Variants in SKA3 observed in about 807,000 individuals in gnomAD.
SKA3 encodes the protein spindle and kinetochore-associated protein 3.
A neutral mutation model predicts 44.2 loss-of-function variants in SKA3; 39 were observed. The ratio of observed to expected loss-of-function variants is 0.88; its 90% CI spans 0.68 to 1.15. The LOEUF is 1.15. Ranked by LOEUF, SKA3 falls within the 50% of genes most tolerant of loss-of-function variation. The pLI is 0.00. For missense variants in SKA3, 511 were observed against 485.8 expected (o/e 1.05, Z -0.49); for synonymous variants, 192 against 172.0 (o/e 1.12, Z -0.91).
In SKA3 at chr13:21,156,028, C is replaced by G. The variant is rs567518460; in HGVS notation, c.1120-217G>C. Among the ~76,000 whole-genome samples the G allele has an allele frequency of 2.6e-4, 39 of 151,694 alleles. No homozygotes were observed. The South Asian group carries it at 7.7e-3, about 30-fold the overall frequency. Reference sequence around the variant, plus strand: ...CAGGTAAAACCTCGTCTCTACTAAACATACAAAAACTAGCTAGGAGTGGTG... The same window carrying G: ...CAGGTAAAACCTCGTCTCTACTAAAGATACAAAAACTAGCTAGGAGTGGTG... On this transcript the variant is annotated intron_variant, in intron 7 of 8. Transcript: ENST00000314759.
intron 7 of SKA3, among the ~76,000 whole-genome samples, chr13:21,156,355 G>A (rs1320052181): frequency 6.6e-6 from 1 of 152,070 alleles, no homozygotes; most frequent in Non-Finnish European, 1.5e-5. Context: ...TAACAAAGAT[G>A]TTAGGGAAAA....
intron 3 of SKA3, among the ~76,000 whole-genome samples, chr13:21,170,363 A>G (rs545181781): frequency 3.4e-4 from 51 of 152,134 alleles, no homozygotes; most frequent in African/African-American, 1.2e-3. Flanking sequence ...TATTTTTAGT[A>G]GAGACAGGGT....
At chr13:21,174,514 A>G (rs1192776070) in intron 1 of SKA3, among the ~76,000 whole-genome samples, 1 of 151,900 alleles carries the variant, frequency 6.6e-6, no homozygotes, top group African/African-American at 2.4e-5. Flanking sequence ...TCTCACTCAT[A>G]GGTGGGAATT....
chr13:21,164,001 T>G (rs1870575172), intron 4 of SKA3, among the ~76,000 whole-genome samples: 1 of 152,048 alleles, frequency 6.6e-6, no homozygotes, highest in South Asian at 2.1e-4. Flanking sequence ...TGACCTCAAG[T>G]GATCCACCCA....
At chr13:21,170,881 G>A (rs917278341) in intron 3 of SKA3, among the ~76,000 whole-genome samples, 1 of 151,534 alleles carries the variant, frequency 6.6e-6, no homozygotes, top group Admixed American at 6.6e-5. Context: ...GATTCCACGT[G>A]GGGGGTGGTG....
Position 21,154,875 on chromosome 13 carries a change from AC to A in SKA3, c.*274del, listed in dbSNP as rs2137351623. ...TGTCCTACTTCCTGGTACTACTTAAACCATTCTGTTGATTAAGCTGGGTAAT... is the reference window on the plus strand; with the variant it reads ...TGTCCTACTTCCTGGTACTACTTAAACATTCTGTTGATTAAGCTGGGTAAT... On this transcript the variant is annotated 3_prime_UTR_variant, in exon 9 of 9. Transcript: ENST00000314759. 5.3e-6 allele frequency: 3 copies of A among 568,182 alleles called. No homozygotes were observed. In the South Asian group the frequency reaches 7.1e-5, roughly 14 times the overall value. The allele number at this position is 568,182 out of a possible 1,614,324, so 35.2% of individuals were successfully genotyped here.
In SKA3 at chr13:21,155,813, T is replaced by TAAAAAA; in HGVS notation, c.1120-8_1120-3dup. The TAAAAAA allele has an allele frequency of 2.7e-6, 3 of 1,123,160 alleles. No homozygotes were observed. Among genetic ancestry groups the TAAAAAA allele is most frequent in the Non-Finnish European group, 3.9e-6 (3 of 773,310 alleles). 69.6% of individuals were successfully genotyped at this position (1,123,160 alleles called of 1,614,324 possible). A position where few individuals can be genotyped will look rare whatever the true frequency, so the allele number is the denominator to read the frequency against. ...GTTTGAGTTGTATTTTGATAAAAGCTAAAAAAAAAAAAGGAAATTCCTTTT... is the reference window on the plus strand; with the variant it reads ...GTTTGAGTTGTATTTTGATAAAAGCTAAAAAAAAAAAAAAAAAAGGAAATTCCTTTT... On this transcript the variant is annotated splice_polypyrimidine_tract_variant and splice_region_variant and intron_variant, in intron 7 of 8. Transcript: ENST00000314759.
At chr13:21,167,053 A>G (rs1870750596) in intron 4 of SKA3, among the ~76,000 whole-genome samples, 1 of 152,178 alleles carries the variant, frequency 6.6e-6, no homozygotes, top group African/African-American at 2.4e-5. Flanking sequence ...TTTCCATGCT[A>G]ATGACTCCCA....
chr13:21,167,487 C>G (rs1342868644), intron 4 of SKA3, among the ~76,000 whole-genome samples: 1 of 152,114 alleles, frequency 6.6e-6, no homozygotes, highest in East Asian at 1.9e-4. Flanking sequence ...AACTTATTGG[C>G]CGGGCGCGGT....
In SKA3 at chr13:21,155,680, G is replaced by A; in HGVS notation, c.1238+13C>T. 9.4e-7 allele frequency: 1 copy of A among 1,058,950 alleles called. No homozygotes were observed. The highest frequency in any genetic ancestry group is 1.3e-6 in the Non-Finnish European group (1 of 769,468). 65.6% of individuals were successfully genotyped at this position (1,058,950 alleles called of 1,614,324 possible). A position where few individuals can be genotyped will look rare whatever the true frequency, so the allele number is the denominator to read the frequency against. On this transcript the variant is annotated intron_variant, in intron 8 of 8. Transcript: ENST00000314759. ...TAACACATGAACTTTCTTTACAAAG[G>A]TAACATACTCACCAGTTTTCTTTGT...
At chr13:21,162,584 T>C (rs1870498862) in intron 4 of SKA3, among the ~76,000 whole-genome samples, 1 of 152,112 alleles carries the variant, frequency 6.6e-6, no homozygotes, top group African/African-American at 2.4e-5. Context: ...GCCAGGCTGG[T>C]CTCGAACTCC....
chr13:21,174,159 A>G (rs1871261332), intron 1 of SKA3, among the ~76,000 whole-genome samples: 1 of 152,258 alleles, frequency 6.6e-6, no homozygotes, highest in Admixed American at 6.5e-5. Flanking sequence ...AACTAGTTCA[A>G]CCATTGTGGA....
chr13:21,158,118 G>T lies in SKA3; in HGVS notation c.923C>A (p.Thr308Lys). 1.9e-6 allele frequency: 3 copies of T among 1,575,416 alleles called. No homozygotes were observed. Among genetic ancestry groups the T allele is most frequent in the Non-Finnish European group, 1.7e-6 (2 of 1,145,308 alleles). ...ATTTGTTTTTGATAATGGGTAATTTGTGGATACCTATTGAATAAAAATAGA... is the reference window on the plus strand; with the variant it reads ...ATTTGTTTTTGATAATGGGTAATTTTTGGATACCTATTGAATAAAAATAGA... The part of the protein sequence containing the change: ...STKNSIALVS[T>K]NYPLSKTNSS... The change falls in exon 7 of 9, where the codon ACA becomes AAA. Residue 308 changes from threonine (T) to lysine (K), a missense_variant. Physicochemically the swap from Thr to Lys is moderately conservative, Grantham distance 78. Coordinates refer to ENST00000314759, the MANE Select transcript of SKA3 (RefSeq NM_145061.6).
rs1393549668 is a variant in SKA3 at position 21,168,190 on chromosome 13, T to TG, written c.540dup (p.Asn181GlnfsTer3). On this transcript the variant is annotated frameshift_variant, in exon 4 of 9. Transcript: ENST00000314759. LOFTEE classifies it high-confidence loss of function. ...ACAATTACGGGCTCTTCCTTATAGTTGTTCACTGCCTGTGGAGGGTTTGGT... is the reference window on the plus strand; with the variant it reads ...ACAATTACGGGCTCTTCCTTATAGTTGGTTCACTGCCTGTGGAGGGTTTGGT... The TG allele has an allele frequency of 1.2e-6, 2 of 1,614,034 alleles. No individual in the cohort carries two copies. The highest frequency in any genetic ancestry group is 2.7e-5 in the African/African-American group (2 of 74,940).
intron 6 of SKA3, 33 bp downstream of exon 6, chr13:21,159,867 GAA>G (rs1248345645): frequency 4.4e-6 from 5 of 1,142,004 alleles, no homozygotes; most frequent in Admixed American, 5.3e-5. Flanking sequence ...GTCTTTAGGA[GAA>G]AGACTGTGGC....
intron 4 of SKA3, among the ~76,000 whole-genome samples, chr13:21,162,538 G>A (rs1870496596): frequency 6.6e-6 from 1 of 151,876 alleles, no homozygotes; most frequent in Non-Finnish European, 1.5e-5. Context: ...GCTAATGTTT[G>A]TATTTTTTTG....
At chr13:21,167,489 G>A (rs766736700) in intron 4 of SKA3, among the ~76,000 whole-genome samples, 3 of 152,016 alleles carry the variant, frequency 2.0e-5, no homozygotes, top group Non-Finnish European at 4.4e-5. Flanking sequence ...CTTATTGGCC[G>A]GGCGCGGTGG....
At chr13:21,164,619 T>A (rs900028889) in intron 4 of SKA3, among the ~76,000 whole-genome samples, 3 of 152,266 alleles carry the variant, frequency 2.0e-5, no homozygotes, top group Non-Finnish European at 4.4e-5. Context: ...TATCTATTCC[T>A]GTCCATTGCC....
In SKA3 at chr13:21,176,522, C is replaced by T. The variant is rs368709565; in HGVS notation, c.-45G>A. 5 of 1,370,652 alleles carry T rather than the reference C, an allele frequency of 3.6e-6. No homozygotes were observed. The highest frequency in any genetic ancestry group is 3.0e-5 in the African/African-American group (2 of 65,812). The allele number at this position is 1,370,652 out of a possible 1,614,324, so 84.9% of individuals were successfully genotyped here. A position where few individuals can be genotyped will look rare whatever the true frequency, so the allele number is the denominator to read the frequency against. Reference sequence around the variant, plus strand: ...GACTCCAGGCGTACGCAGACCCCACCGCTCAGCTCACAGCCTCCCGCCACT... The same window carrying T: ...GACTCCAGGCGTACGCAGACCCCACTGCTCAGCTCACAGCCTCCCGCCACT... On this transcript the variant is annotated 5_prime_UTR_variant, in exon 1 of 9. Transcript: ENST00000314759.
Sources: gnomAD v4.1 joint callset for allele counts (sites outside exome capture counted in the v4.1 genomes callset) on GRCh38, gnomAD v4.1.1 for gene constraint, MANE v1.5 for transcripts, NCBI Gene and HGNC (gene_info 2026-07-23, HGNC 2026-07-21) for gene names.